KIAA1217: variants seen among roughly 807,000 people sequenced by gnomAD.
KIAA1217 encodes KIAA1217, also known as sickle tail protein homolog.
Under a neutral mutation model 163.9 loss-of-function variants are expected in KIAA1217, and 88 were observed. That is an observed-to-expected ratio of 0.54 (90% confidence interval 0.45 to 0.64). The LOEUF (loss-of-function observed/expected upper bound fraction) is 0.64, where lower values mean the gene tolerates loss of function less well. Among genes scored for constraint, KIAA1217 ranks in the 30% least tolerant of loss-of-function variants. The pLI is 0.00. For synonymous variants in KIAA1217, 903 were observed against 923.1 expected, an observed-to-expected ratio of 0.98 and a Z score of 0.39; for missense variants, 2,372 against 2,475.0, an observed-to-expected ratio of 0.96 and a Z score of 0.88.
At chr10:24,389,470 T>C (rs61848131) in intron 3 of KIAA1217, among the ~76,000 whole-genome samples, 3 of 151,798 alleles carry the variant, frequency 2.0e-5, no homozygotes, top group Admixed American at 1.3e-4. Flanking sequence ...TTAATGGGTG[T>C]AGCACACCAA....
chr10:24,511,172 A>AAAAAAAAAAAAAAAAAAAAAAAG (rs1554918365), intron 9 of KIAA1217, among the ~76,000 whole-genome samples: 2 of 115,696 alleles, frequency 1.7e-5, no homozygotes, highest in African/African-American at 7.4e-5. Context: ...AAAAAAAAAA[A>AAAAAAAAAAAAAAAAAAAAAAAG]AGGAGCCTGG....
chr10:24,276,449 AC>A (rs1371887453), intron 2 of KIAA1217, among the ~76,000 whole-genome samples: 1 of 152,116 alleles, frequency 6.6e-6, no homozygotes, highest in Non-Finnish European at 1.5e-5. Context: ...GAATTTAAAA[AC>A]AAAAAATTTT....
rs1054466518 is a variant in KIAA1217, at chr10:23,864,920, C to G, written c.-320-142305C>G. ...TTCTGGGGAATCTCAGCTTTTTTCC[C>G]TTAAGAACTTCAACTGATTTGATGA... is the stretch of plus-strand genomic sequence containing the variant. On this transcript the variant is annotated intron_variant, in intron 1 of 18. Transcript: ENST00000376462. Among the ~76,000 whole-genome samples the G allele has an allele frequency of 7.9e-5, 12 of 152,016 alleles. 1 individual carries two copies. Among genetic ancestry groups the G allele is most frequent in the Admixed American group, 7.2e-4 (11 of 15,242 alleles).
chr10:24,479,705 C>T (rs1162008367), intron 6 of KIAA1217, among the ~76,000 whole-genome samples: 1 of 152,148 alleles, frequency 6.6e-6, no homozygotes, highest in African/African-American at 2.4e-5. Context: ...AGTTCTAGGG[C>T]ATGGCCCTAG....
At chr10:24,126,392 A>T (rs148961631) in intron 2 of KIAA1217, among the ~76,000 whole-genome samples, 4,472 of 152,176 alleles carry the variant, frequency 0.029, 83 homozygotes, top group Middle Eastern at 0.088. Context: ...TATAGTATTT[A>T]TGCCCTTTAG....
intron 1 of KIAA1217, among the ~76,000 whole-genome samples, chr10:23,892,926 C>T (rs922658160): frequency 2.6e-5 from 4 of 152,054 alleles, no homozygotes; most frequent in Middle Eastern, 3.4e-3. Context: ...GTGGCATTGA[C>T]GTCTCTTTGA....
At chr10:24,296,530 A>G (rs537943721) in intron 2 of KIAA1217, among the ~76,000 whole-genome samples, 1 of 151,416 alleles carries the variant, frequency 6.6e-6, no homozygotes, top group Non-Finnish European at 1.5e-5. Flanking sequence ...CTATTGAACA[A>G]CTAATGAATA....
chr10:24,083,119 G>A (rs752681244), intron 2 of KIAA1217, among the ~76,000 whole-genome samples: 5 of 152,088 alleles, frequency 3.3e-5, no homozygotes, highest in African/African-American at 7.2e-5. Flanking sequence ...CTTGGCTGCC[G>A]TTTTGTAATT....
chr10:23,774,334 G>A (rs1358930465), intron 1 of KIAA1217, among the ~76,000 whole-genome samples: 2 of 152,182 alleles, frequency 1.3e-5, no homozygotes, highest in Non-Finnish European at 2.9e-5. Flanking sequence ...TGGTGTGTGG[G>A]CTATGCTGGA....
intron 1 of KIAA1217, among the ~76,000 whole-genome samples, chr10:23,969,124 T>A (rs930497009): frequency 6.6e-6 from 1 of 152,180 alleles, no homozygotes; most frequent in South Asian, 2.1e-4. Context: ...AACCTCTGCC[T>A]CCCAGGTTCA....
At chr10:23,970,106 C>G (rs34043065) in intron 1 of KIAA1217, among the ~76,000 whole-genome samples, 26,148 of 152,190 alleles carry the variant, frequency 0.17, 2,492 homozygotes, top group Non-Finnish European at 0.22. Flanking sequence ...AGCTATAGTT[C>G]AAGATGAGGT....
At chr10:24,393,040 A>G (rs2055199421) in intron 3 of KIAA1217, among the ~76,000 whole-genome samples, 1 of 152,126 alleles carries the variant, frequency 6.6e-6, no homozygotes, top group Non-Finnish European at 1.5e-5. Context: ...AGTTCCCCAC[A>G]TTTTTAGCAC....
intron 3 of KIAA1217, among the ~76,000 whole-genome samples, chr10:24,401,163 G>A (rs1339878527): frequency 1.3e-5 from 2 of 149,906 alleles, no homozygotes; most frequent in Non-Finnish European, 3.0e-5. Flanking sequence ...AAAATCCAAG[G>A]GAAAGAAGTT....
chr10:24,294,023 C>T (rs1361538753), intron 2 of KIAA1217, among the ~76,000 whole-genome samples: 1 of 151,886 alleles, frequency 6.6e-6, no homozygotes, highest in Non-Finnish European at 1.5e-5. Context: ...GAAACACCGT[C>T]TCTAATAAAA....
chr10:23,929,557 T>G (rs138703608), intron 1 of KIAA1217, among the ~76,000 whole-genome samples: 2,947 of 152,268 alleles, frequency 0.019, 58 homozygotes, highest in Admixed American at 0.063. Flanking sequence ...AGTGAGAACA[T>G]GTAGTATTTG....
At chr10:24,485,639 C>T (rs1340587389) in intron 6 of KIAA1217, among the ~76,000 whole-genome samples, 1 of 152,158 alleles carries the variant, frequency 6.6e-6, no homozygotes, top group East Asian at 1.9e-4. Context: ...GTGCCTGGCC[C>T]AAGAAATATT....
In KIAA1217 at chr10:24,341,283, A is replaced by G. The variant is rs11014040; in HGVS notation, c.355-39586A>G. On this transcript the variant is annotated intron_variant, in intron 2 of 20. Transcript: ENST00000376454. ...TAGGATTCCCTTTTCCATGTCTTCT[A>G]TGTACAGGCAAAGTCGTGATTAAAT... Among the ~76,000 whole-genome samples the G allele has an allele frequency of 7.6e-3, 1,153 of 152,150 alleles. 25 individuals carry two copies. Among genetic ancestry groups the G allele is most frequent in the African/African-American group, 0.026 (1,084 of 41,512 alleles).
At chr10:24,191,541 A>C (rs1010566211) in intron 2 of KIAA1217, among the ~76,000 whole-genome samples, 4 of 150,770 alleles carry the variant, frequency 2.7e-5, no homozygotes, top group African/African-American at 9.9e-5. Flanking sequence ...AACACATCTC[A>C]TGTACCCACA....
At chr10:24,404,244 G>A (rs759406215) in intron 3 of KIAA1217, among the ~76,000 whole-genome samples, 50 of 152,180 alleles carry the variant, frequency 3.3e-4, no homozygotes, top group African/African-American at 1.2e-3. Flanking sequence ...TAAGGCATGA[G>A]CCACTGAGCC....
Sources: gnomAD v4.1 joint callset for allele counts (sites outside exome capture counted in the v4.1 genomes callset) on GRCh38, gnomAD v4.1.1 for gene constraint, MANE v1.5 for transcripts, NCBI Gene and HGNC (gene_info 2026-07-23, HGNC 2026-07-21) for gene names.